The following EIF3A variants were observed in gnomAD, a reference collection of about 807,000 sequenced individuals.
The protein encoded by EIF3A is EIF3, p180 subunit.
Under a neutral mutation model 186.6 loss-of-function variants are expected in EIF3A, and 21 were observed. That is an observed-to-expected ratio of 0.11 (90% CI 0.08 to 0.16). The LOEUF (loss-of-function observed/expected upper bound fraction) is 0.16, where lower values mean the gene tolerates loss of function less well. Ranked by LOEUF, EIF3A falls within the 10% of genes least tolerant of loss-of-function variation. The pLI, the probability that EIF3A is intolerant of heterozygous loss-of-function variation, is 1.00. For missense variants in EIF3A, 1,306 were observed against 1,796.3 expected, an observed-to-expected ratio of 0.73 and a Z score of 4.93; for synonymous variants, 563 against 584.3, an observed-to-expected ratio of 0.96 and a Z score of 0.52.
intron 17 of EIF3A, among the ~76,000 whole-genome samples, chr10:119,044,834 C>T (rs1018982636): frequency 6.6e-6 from 1 of 152,004 alleles, no homozygotes; most frequent in Admixed American, 6.6e-5. Context: ...CACCAGAGCG[C>T]AAGCCTCTGT....
intron 21 of EIF3A, 101 bp from the exon 22 acceptor site, chr10:119,036,369 CATT>C: frequency 1.4e-6 from 1 of 712,194 alleles, no homozygotes; most frequent in Non-Finnish European, 2.3e-6. Context: ...ATACAGAAAT[CATT>C]GTTAAATACA....
chr10:119,047,217 G>T (rs1294578159), intron 17 of EIF3A, among the ~76,000 whole-genome samples: 1 of 152,140 alleles, frequency 6.6e-6, no homozygotes, highest in Non-Finnish European at 1.5e-5. Context: ...GCAGTGAGCT[G>T]AGATTGCACC....
chr10:119,080,258 G>T, intron 1 of EIF3A: 1 of 962,028 alleles, frequency 1.0e-6, no homozygotes, highest in Non-Finnish European at 1.2e-6. Context: ...TGGCGGCCGG[G>T]GACGCGGGCC....
chr10:119,080,592 C>A, intron 1 of EIF3A, 36 bp downstream of exon 1: 1 of 1,561,806 alleles, frequency 6.4e-7, no homozygotes, highest in South Asian at 1.2e-5. Flanking sequence ...AGGCCTCGGG[C>A]CGCCCCAGCC....
At chr10:119,065,596 G>T (rs1843959830) in intron 6 of EIF3A, 26 bp from the exon 7 acceptor site, 3 of 1,534,952 alleles carry the variant, frequency 2.0e-6, no homozygotes, top group Admixed American at 1.8e-5. Flanking sequence ...TTTTAAATCT[G>T]TTAGGTTTGT....
chr10:119,041,213 A>G (rs2119817616), intron 19 of EIF3A, among the ~76,000 whole-genome samples: 1 of 152,172 alleles, frequency 6.6e-6, no homozygotes, highest in Admixed American at 6.5e-5. Context: ...GCATGTCACA[A>G]ACATGTATAC....
At chr10:119,061,349 G>C (rs376120104) in intron 7 of EIF3A, 21 bp from the exon 8 acceptor site, 4 of 1,114,366 alleles carry the variant, frequency 3.6e-6, no homozygotes, top group African/African-American at 1.6e-5. Flanking sequence ...CAAAACAAAA[G>C]ATGTAACTGC....
At chr10:119,043,432 C>A (rs1848241150) in intron 18 of EIF3A, among the ~76,000 whole-genome samples, 1 of 149,178 alleles carries the variant, frequency 6.7e-6, no homozygotes, top group Non-Finnish European at 1.5e-5. Context: ...GAGCTAGATT[C>A]TGTCTCAAAA....
intron 19 of EIF3A, among the ~76,000 whole-genome samples, chr10:119,041,734 A>G (rs1177820496): frequency 6.6e-6 from 1 of 152,248 alleles, no homozygotes; most frequent in African/African-American, 2.4e-5. Context: ...GTACAGGAAG[A>G]GCCTTCAAAG....
In EIF3A at chr10:119,051,454, G is replaced by GT. The variant is rs201007425; in HGVS notation, c.2197-134dup. The GT allele has an allele frequency of 1.3e-3, 1,161 of 868,402 alleles. 10 individuals carry two copies. The African/African-American group carries it at 0.018, about 13-fold the overall frequency. 53.8% of individuals were successfully genotyped at this position (868,402 alleles called of 1,614,324 possible). On this transcript the variant is annotated intron_variant, in intron 14 of 21. Transcript: ENST00000369144. ...TCTGTCATGCCATAAAAATGAAAAC[G>GT]TTAACTACATCCATGTCAATAGGTC...
chr10:119,073,644 C>T (rs1844113450), intron 2 of EIF3A, 67 bp from the exon 3 acceptor site: 1 of 1,575,438 alleles, frequency 6.3e-7, no homozygotes, highest in South Asian at 1.2e-5. Flanking sequence ...GTTTTAAAGG[C>T]AAATTTTTAA....
At chr10:119,058,442 G>C in intron 11 of EIF3A, 139 bp from the exon 12 acceptor site, 1 of 669,260 alleles carries the variant, frequency 1.5e-6, no homozygotes. Context: ...CACTATCCAA[G>C]CTGTTTGTTT....
intron 5 of EIF3A, 79 bp downstream of exon 5, chr10:119,070,807 A>T: frequency 1.0e-6 from 1 of 986,120 alleles, no homozygotes; most frequent in Non-Finnish European, 1.6e-6. Context: ...GCATACCAAG[A>T]TGAAGCTATT....
intron 7 of EIF3A, among the ~76,000 whole-genome samples, chr10:119,062,697 T>C (rs1843908343): frequency 6.6e-6 from 1 of 150,636 alleles, no homozygotes. Context: ...CTTTCGCTTC[T>C]GGGACAACAT....
rs1234252535 is a variant in EIF3A at position 119,049,898 on chromosome 10, ACTT to A, written c.2558_2560del (p.Glu853del). On this transcript the variant is annotated inframe_deletion, in exon 17 of 22. Transcript: ENST00000369144. Reference sequence around the variant, plus strand: ...CTCCCTTTGGCGTTTTTTCCTTTCCACTTCTTCTAATTTCTTCACCCGCTCCTG... The same window carrying A: ...CTCCCTTTGGCGTTTTTTCCTTTCCACTTCTAATTTCTTCACCCGCTCCTG... The A allele has an allele frequency of 3.1e-6, 5 of 1,613,312 alleles. No homozygotes were observed. Among genetic ancestry groups the A allele is most frequent in the South Asian group, 1.1e-5 (1 of 91,056 alleles).
chr10:119,049,553 G>T (rs1484856501), intron 17 of EIF3A, among the ~76,000 whole-genome samples: 1 of 145,124 alleles, frequency 6.9e-6, no homozygotes, highest in African/African-American at 2.6e-5. Flanking sequence ...CATTTACATA[G>T]GTATCATGGA....
chr10:119,055,656 G>A (rs1843766190), intron 14 of EIF3A, among the ~76,000 whole-genome samples: 1 of 152,158 alleles, frequency 6.6e-6, no homozygotes, highest in Non-Finnish European at 1.5e-5. Flanking sequence ...AGAATCGTTT[G>A]AGCCCAGGAC....
intron 14 of EIF3A, among the ~76,000 whole-genome samples, chr10:119,052,330 A>AATTCAGTCAC (rs1220485063): frequency 2.3e-5 from 3 of 131,616 alleles, no homozygotes; most frequent in Non-Finnish European, 5.1e-5. Flanking sequence ...AGATTGCAGC[A>AATTCAGTCAC]ATTCAGTCAC....
At chr10:119,047,819 T>C (rs1848301137) in intron 17 of EIF3A, among the ~76,000 whole-genome samples, 1 of 151,940 alleles carries the variant, frequency 6.6e-6, no homozygotes. Flanking sequence ...TGAAGACACA[T>C]AAATAACTAG....
Sources: allele counts gnomAD v4.1 joint callset (sites outside exome capture counted in the v4.1 genomes callset), GRCh38; gene constraint gnomAD v4.1.1; transcripts MANE v1.5; gene names NCBI Gene and HGNC (gene_info 2026-07-23, HGNC 2026-07-21).